The following CACNB2 variants were observed in gnomAD, a reference collection of about 807,000 sequenced individuals.
CACNB2 encodes the protein voltage-dependent L-type calcium channel subunit beta-2.
A neutral mutation model predicts 73.3 loss-of-function variants in CACNB2; 42 were observed. The observed-to-expected ratio is 0.57, with a 90% CI of 0.45 to 0.74. CACNB2 has a LOEUF of 0.74. Ranked by LOEUF, CACNB2 falls within the 30% of genes least tolerant of loss-of-function variation. CACNB2 has a pLI of 0.00. For synonymous variants in CACNB2, 348 were observed against 310.3 expected (o/e 1.12, Z -1.28); for missense variants, 940 against 853.0 (o/e 1.10, Z -1.27).
intron 3 of CACNB2, among the ~76,000 whole-genome samples, chr10:18,408,159 G>A (rs1382476685): frequency 6.7e-6 from 1 of 150,118 alleles, no homozygotes; most frequent in Non-Finnish European, 1.5e-5. Flanking sequence ...TGAAATTATT[G>A]ACTGCCTTTT....
rs112521580 is a variant in CACNB2 at position 18,160,485 on chromosome 10, T to C, written c.213+9510T>C. ...TGTTTGGTTAAACCATATAAAGTCT[T>C]AGAAGTCACGCAAACTGAATTAACC... On this transcript the variant is annotated intron_variant, in intron 2 of 13. Transcript: ENST00000324631. Among the ~76,000 whole-genome samples, 263 of 152,254 alleles carry C rather than the reference T, an allele frequency of 1.7e-3. 2 individuals are homozygous for C. The highest frequency in any genetic ancestry group is 5.9e-3 in the African/African-American group (245 of 41,570).
At chr10:18,536,685 G>A (rs956611495) in intron 12 of CACNB2, among the ~76,000 whole-genome samples, 2 of 152,152 alleles carry the variant, frequency 1.3e-5, no homozygotes, top group East Asian at 3.9e-4. Flanking sequence ...CATGTGTTTT[G>A]AGCACAAGTA....
intron 2 of CACNB2, among the ~76,000 whole-genome samples, chr10:18,342,930 C>T (rs899156517): frequency 6.6e-6 from 1 of 152,020 alleles, no homozygotes; most frequent in Non-Finnish European, 1.5e-5. Context: ...TTGTTCTAAT[C>T]GCAAGTATGA....
intron 3 of CACNB2, among the ~76,000 whole-genome samples, chr10:18,497,548 T>G (rs1346242884): frequency 1.3e-5 from 2 of 152,016 alleles, no homozygotes; most frequent in Non-Finnish European, 2.9e-5. Context: ...GCCTCCCAAG[T>G]TGTTGGGAGT....
intron 2 of CACNB2, among the ~76,000 whole-genome samples, chr10:18,295,932 T>G (rs1416125756): frequency 6.6e-6 from 1 of 151,830 alleles, no homozygotes; most frequent in Non-Finnish European, 1.5e-5. Context: ...CTTTCCTTGG[T>G]CATTGAATGT....
intron 2 of CACNB2, among the ~76,000 whole-genome samples, chr10:18,347,934 C>T (rs534645328): frequency 6.6e-6 from 1 of 151,842 alleles, no homozygotes; most frequent in African/African-American, 2.4e-5. Context: ...GTGCACAGCT[C>T]AACTTCCAAG....
chr10:18,396,835 G>C (rs887955709), intron 2 of CACNB2, among the ~76,000 whole-genome samples: 1 of 152,172 alleles, frequency 6.6e-6, no homozygotes, highest in African/African-American at 2.4e-5. Context: ...CATTGGGTCA[G>C]CATCGTCCTA....
intron 3 of CACNB2, among the ~76,000 whole-genome samples, chr10:18,485,254 T>A (rs1310335243): frequency 6.6e-6 from 1 of 152,222 alleles, no homozygotes; most frequent in South Asian, 2.1e-4. Context: ...TTTATTATCA[T>A]TGAAAGTTAG....
At chr10:18,272,928 A>C (rs911878496) in intron 2 of CACNB2, among the ~76,000 whole-genome samples, 1 of 152,152 alleles carries the variant, frequency 6.6e-6, no homozygotes, top group East Asian at 1.9e-4. Context: ...TTGGTCCCCA[A>C]AAAAATGCAG....
intron 2 of CACNB2, among the ~76,000 whole-genome samples, chr10:18,289,802 A>G (rs952878122): frequency 6.6e-6 from 1 of 152,092 alleles, no homozygotes; most frequent in African/African-American, 2.4e-5. Flanking sequence ...CCTTTATAAA[A>G]TTTTACTCCA....
chr10:18,488,014 GCA>G (rs1470976475), intron 3 of CACNB2, among the ~76,000 whole-genome samples: 1 of 151,170 alleles, frequency 6.6e-6, no homozygotes, highest in Non-Finnish European at 1.5e-5. Flanking sequence ...TCACCATGTT[GCA>G]CTGGCTGGTC....
At chr10:18,265,149 CTTTTT>C (rs34442607) in intron 2 of CACNB2, among the ~76,000 whole-genome samples, 1 of 120,956 alleles carries the variant, frequency 8.3e-6, no homozygotes, top group Admixed American at 8.5e-5. Flanking sequence ...TGGCCATCTT[CTTTTT>C]TTTTTTTTTT....
rs115545192 is a variant in CACNB2 at position 18,189,612 on chromosome 10, C to T, written c.213+38637C>T. ...TTGTAGTAGTACCATAGTTTAAATA[C>T]TTTTTTATTATAAAAATTGTGTTGT... On this transcript the variant is annotated intron_variant, in intron 2 of 13. Coordinates refer to ENST00000324631, the MANE Select transcript of CACNB2 (RefSeq NM_201596.3). Among the ~76,000 whole-genome samples the T allele has an allele frequency of 6.9e-3, 1,049 of 152,220 alleles. 15 individuals carry two copies. The highest frequency in any genetic ancestry group is 0.024 in the African/African-American group (998 of 41,544).
intron 1 of CACNB2, among the ~76,000 whole-genome samples, chr10:18,147,975 G>A (rs2031157047): frequency 6.6e-6 from 1 of 151,862 alleles, no homozygotes; most frequent in Non-Finnish European, 1.5e-5. Flanking sequence ...ATTTTTAAAG[G>A]TATATGAAAA....
intron 6 of CACNB2, among the ~76,000 whole-genome samples, chr10:18,507,975 A>G (rs1217672595): frequency 5.3e-5 from 8 of 151,980 alleles, no homozygotes; most frequent in African/African-American, 1.9e-4. Flanking sequence ...GGGTTTCACT[A>G]TGTTGCCCAG....
chr10:18,218,144 T>C lies in CACNB2; in HGVS notation c.213+67169T>C, dbSNP rs554224641. ...AGGCAGACCACTTCAGTCTAACATG[T>C]CATTACCAATTTAATAGAAATATTT... On this transcript the variant is annotated intron_variant, in intron 2 of 13. Transcript: ENST00000324631. Among the ~76,000 whole-genome samples the C allele has an allele frequency of 5.9e-5, 9 of 152,316 alleles. No individual in the cohort carries two copies. In the East Asian group the frequency reaches 1.4e-3, roughly 23 times the overall value.
intron 3 of CACNB2, among the ~76,000 whole-genome samples, chr10:18,492,628 A>G (rs1183976995): frequency 2.1e-5 from 3 of 144,346 alleles, no homozygotes. Context: ...CTCAAAAAAA[A>G]AAAAAAAAAA....
At chr10:18,507,004 G>A (rs1208839707) in intron 6 of CACNB2, among the ~76,000 whole-genome samples, 2 of 152,054 alleles carry the variant, frequency 1.3e-5, no homozygotes, top group African/African-American at 4.8e-5. Flanking sequence ...TCACCATGTT[G>A]CCCAGGCTGG....
intron 10 of CACNB2, chr10:18,533,078 G>A (rs936140152): frequency 2.0e-5 from 3 of 152,110 alleles, no homozygotes; most frequent in Non-Finnish European, 4.4e-5. Context: ...TCTCCAGGAA[G>A]CTTCTGGCAA....
Sources: allele counts gnomAD v4.1 joint callset (sites outside exome capture counted in the v4.1 genomes callset), GRCh38; gene constraint gnomAD v4.1.1; transcripts MANE v1.5; gene names NCBI Gene and HGNC (gene_info 2026-07-23, HGNC 2026-07-21).